Variants in DLGAP2 observed in about 807,000 individuals in gnomAD.
DLGAP2 encodes the protein disks large-associated protein 2.
DLGAP2 carries 26 observed loss-of-function variants against 100.3 expected under a neutral mutation model. The ratio of observed to expected loss-of-function variants is 0.26; its 90% CI spans 0.19 to 0.36. DLGAP2 has a LOEUF of 0.36. Among genes scored for constraint, DLGAP2 ranks in the 10% least tolerant of loss-of-function variants. The pLI, the probability that DLGAP2 is intolerant of heterozygous loss-of-function variation, is 1.00. For synonymous variants in DLGAP2, 886 were observed against 630.1 expected (o/e 1.41, Z -6.08); for missense variants, 1,858 against 1,453.2 (o/e 1.28, Z -4.53).
At chr8:866,848 C>T (rs1347480391) in intron 1 of DLGAP2, among the ~76,000 whole-genome samples, 1 of 152,220 alleles carries the variant, frequency 6.6e-6, no homozygotes, top group Non-Finnish European at 1.5e-5. Context: ...CTCCCTGTGA[C>T]TTGTTGGGAG....
intron 2 of DLGAP2, among the ~76,000 whole-genome samples, chr8:963,462 A>T (rs1799775211): frequency 6.6e-6 from 1 of 152,200 alleles, no homozygotes; most frequent in South Asian, 2.1e-4. Context: ...TGGTACATAT[A>T]TGCATTTTTG....
Position 1,626,742 on chromosome 8 carries a change from A to C in DLGAP2, c.1445A>C (p.Gln482Pro), listed in dbSNP as rs778020968. 1 of 1,599,326 alleles carries C rather than the reference A, an allele frequency of 6.3e-7. No homozygotes were observed. Among genetic ancestry groups the C allele is most frequent in the Admixed American group, 1.7e-5 (1 of 58,176 alleles). Residue 482 changes from glutamine to proline, a missense_variant and splice_region_variant, in exon 7 of 15, where the codon CAG becomes CCG. Transcript: ENST00000637795. ...TTCTCCTTTCTTCTTTCCTGTAGCCAGACCTACCTGCAAGCTGCAAGCGAT... is the reference window on the plus strand; with the variant it reads ...TTCTCCTTTCTTCTTTCCTGTAGCCCGACCTACCTGCAAGCTGCAAGCGAT... ...GQRPLGEHQT[Q>P]TYLQAASDVP... is the part of the protein sequence containing the mutation.
chr8:901,402 T>A (rs1481161963), intron 1 of DLGAP2, among the ~76,000 whole-genome samples: 4 of 152,250 alleles, frequency 2.6e-5, no homozygotes, highest in African/African-American at 7.2e-5. Context: ...CAGGTGAATC[T>A]CTTTATTGAT....
At chr8:813,842 C>T (rs970154815) in intron 1 of DLGAP2, among the ~76,000 whole-genome samples, 1 of 152,182 alleles carries the variant, frequency 6.6e-6, no homozygotes, top group African/African-American at 2.4e-5. Context: ...TATGCAACAG[C>T]TACCTGCCTC....
intron 2 of DLGAP2, among the ~76,000 whole-genome samples, chr8:990,185 T>C (rs1800617433): frequency 6.6e-6 from 1 of 152,060 alleles, no homozygotes; most frequent in Non-Finnish European, 1.5e-5. Context: ...GTCCATTCTT[T>C]TTGTTGGTGA....
intron 2 of DLGAP2, among the ~76,000 whole-genome samples, chr8:1,032,200 C>A (rs979605364): frequency 6.6e-6 from 1 of 152,230 alleles, no homozygotes; most frequent in Non-Finnish European, 1.5e-5. Flanking sequence ...GTTCGCCTTC[C>A]AGAGCTCATA....
At chr8:907,201 G>A (rs1211549651) in intron 1 of DLGAP2, among the ~76,000 whole-genome samples, 1 of 152,216 alleles carries the variant, frequency 6.6e-6, no homozygotes, top group African/African-American at 2.4e-5. Flanking sequence ...AGGAATGGCT[G>A]CAAGTTCATC....
At chr8:1,231,869 G>A (rs1798542928) in intron 2 of DLGAP2, among the ~76,000 whole-genome samples, 1 of 152,122 alleles carries the variant, frequency 6.6e-6, no homozygotes, top group Admixed American at 6.5e-5. Context: ...GTAGCTGGGT[G>A]ACAAGTTCAG....
At chr8:1,415,587 T>C (rs545385561) in intron 3 of DLGAP2, among the ~76,000 whole-genome samples, 1 of 152,314 alleles carries the variant, frequency 6.6e-6, no homozygotes, top group African/African-American at 2.4e-5. Flanking sequence ...CCTGTGGTAA[T>C]TCACTTGGGA....
intron 1 of DLGAP2, among the ~76,000 whole-genome samples, chr8:887,735 A>T (rs1048083557): frequency 6.6e-6 from 1 of 151,916 alleles, no homozygotes; most frequent in Non-Finnish European, 1.5e-5. Flanking sequence ...TTTCTGCTGG[A>T]GGTCTGCTGT....
At chr8:1,355,956 A>G (rs1801839634) in intron 3 of DLGAP2, among the ~76,000 whole-genome samples, 1 of 152,090 alleles carries the variant, frequency 6.6e-6, no homozygotes, top group East Asian at 1.9e-4. Flanking sequence ...CGTGTTGGGA[A>G]GCACCGGTGG....
intron 2 of DLGAP2, among the ~76,000 whole-genome samples, chr8:1,172,441 A>T (rs894442842): frequency 1.3e-5 from 2 of 151,806 alleles, no homozygotes; most frequent in African/African-American, 2.4e-5. Context: ...GCCTTGCTAG[A>T]TTGGGGAAGT....
intron 3 of DLGAP2, among the ~76,000 whole-genome samples, chr8:1,317,962 G>A (rs371007875): frequency 3.9e-5 from 2 of 50,900 alleles, no homozygotes; most frequent in African/African-American, 1.2e-4. Flanking sequence ...CGAGTGCAGC[G>A]TCTCTCCAAC....
At chr8:960,652 G>C (rs1283110103) in intron 2 of DLGAP2, among the ~76,000 whole-genome samples, 1 of 152,162 alleles carries the variant, frequency 6.6e-6, no homozygotes, top group Non-Finnish European at 1.5e-5. Context: ...TAGTCAGCTG[G>C]TATTTACTTA....
intron 3 of DLGAP2, among the ~76,000 whole-genome samples, chr8:1,466,138 G>T (rs1798619908): frequency 6.6e-6 from 1 of 152,166 alleles, no homozygotes; most frequent in African/African-American, 2.4e-5. Flanking sequence ...GGAGCGTTTA[G>T]GTTGAAGTCA....
chr8:818,952 T>C (rs1796536659), intron 1 of DLGAP2, among the ~76,000 whole-genome samples: 1 of 152,186 alleles, frequency 6.6e-6, no homozygotes, highest in African/African-American at 2.4e-5. Context: ...AAAATTTTCA[T>C]AGATGTCTTT....
At chr8:775,519 G>A (rs1372328850) in intron 1 of DLGAP2, among the ~76,000 whole-genome samples, 3 of 130,920 alleles carry the variant, frequency 2.3e-5, no homozygotes, top group African/African-American at 8.8e-5. Context: ...TTTGAGATAC[G>A]TCCCATCAAT....
At chr8:1,687,611 A>G (rs528996422) in intron 12 of DLGAP2, among the ~76,000 whole-genome samples, 20 of 152,328 alleles carry the variant, frequency 1.3e-4, no homozygotes, top group African/African-American at 4.3e-4. Flanking sequence ...GCAATATTCA[A>G]TTTATTCCCT....
chr8:1,607,043 G>A (rs1039422491), intron 6 of DLGAP2, among the ~76,000 whole-genome samples: 9 of 152,358 alleles, frequency 5.9e-5, no homozygotes, highest in Non-Finnish European at 1.2e-4. Context: ...ATACCAAGGA[G>A]TGGAGATGCT....
Sources: gnomAD v4.1 joint callset for allele counts (sites outside exome capture counted in the v4.1 genomes callset) on GRCh38, gnomAD v4.1.1 for gene constraint, MANE v1.5 for transcripts, NCBI Gene and HGNC (gene_info 2026-07-23, HGNC 2026-07-21) for gene names.